Variants in DCBLD1 observed in about 807,000 individuals in gnomAD.
DCBLD1 encodes discoidin, CUB and LCCL domain-containing protein 1.
A neutral mutation model predicts 71.5 loss-of-function variants in DCBLD1; 57 were observed. The ratio of observed to expected loss-of-function variants is 0.80; its 90% confidence interval spans 0.64 to 0.99. The LOEUF (loss-of-function observed/expected upper bound fraction) is 0.99. Ranked by LOEUF, DCBLD1 falls within the 50% of genes least tolerant of loss-of-function variation. DCBLD1 has a pLI of 0.00. For synonymous variants in DCBLD1, 380 were observed against 363.8 expected, an observed-to-expected ratio of 1.04 and a Z score of -0.51; for missense variants, 891 against 923.5, an observed-to-expected ratio of 0.96 and a Z score of 0.46.
In DCBLD1 at chr6:117,525,401, C is replaced by T; in HGVS notation, c.552C>T (p.Asp184=). The change falls in exon 5 of 15, where the codon GAC becomes GAT. Residue 184 remains aspartate (D), a synonymous_variant. Transcript: ENST00000338728. ...CTGGTTGTAGAGACGTAGCAGGAGA[C>T]ATTTCTGGGAATATGGTAGATGGAT... ...CPAGCRDVAG[D]ISGNMVDGYR... is the part of the protein sequence containing the mutation. The T allele has an allele frequency of 6.6e-7, 1 of 1,516,720 alleles. No individual in the cohort carries two copies. The highest frequency in any genetic ancestry group is 1.4e-5 in the South Asian group (1 of 71,222). 94.0% of individuals were successfully genotyped at this position (1,516,720 alleles called of 1,614,324 possible).
chr6:117,554,842 G>C (rs1779475954), intron 14 of DCBLD1, among the ~76,000 whole-genome samples: 1 of 150,964 alleles, frequency 6.6e-6, no homozygotes, highest in Non-Finnish European at 1.5e-5. Flanking sequence ...GCAGTGAGCC[G>C]AGATCGAGTC....
intron 2 of DCBLD1, among the ~76,000 whole-genome samples, chr6:117,519,114 C>G (rs1402009906): frequency 6.6e-6 from 1 of 152,114 alleles, no homozygotes; most frequent in Non-Finnish European, 1.5e-5. Context: ...TTTGAGTAGT[C>G]TTAGGAAGAG....
rs202098515 is a variant in DCBLD1, at chr6:117,563,401, A to G, written c.1616-6219A>G. On this transcript the variant is annotated intron_variant, in intron 14 of 14. Transcript: ENST00000296955. Reference sequence around the variant, plus strand: ...TATTAAATCCTGAAAGAAAGGAGAAAAAAAAAGCAGACACTTTCTGGTTTA... The same window carrying G: ...TATTAAATCCTGAAAGAAAGGAGAAGAAAAAAGCAGACACTTTCTGGTTTA... 2.9e-5 allele frequency: 47 copies of G among 1,611,922 alleles called. No individual in the cohort carries two copies. In the African/African-American group the frequency reaches 4.8e-4, roughly 16 times the overall value.
intron 2 of DCBLD1, among the ~76,000 whole-genome samples, chr6:117,504,913 A>G (rs1385800587): frequency 6.6e-6 from 1 of 152,192 alleles, no homozygotes; most frequent in Non-Finnish European, 1.5e-5. Context: ...AGCTCTACTG[A>G]TAATTTCTCA....
chr6:117,523,978 C>T (rs764220118), intron 4 of DCBLD1, among the ~76,000 whole-genome samples: 1 of 152,084 alleles, frequency 6.6e-6, no homozygotes, highest in Non-Finnish European at 1.5e-5. Flanking sequence ...ATGTTTATAG[C>T]TGTCTTCATA....
At chr6:117,498,295 A>G (rs927016941) in intron 1 of DCBLD1, among the ~76,000 whole-genome samples, 4 of 152,202 alleles carry the variant, frequency 2.6e-5, no homozygotes, top group Non-Finnish European at 4.4e-5. Flanking sequence ...ATTTAGGCCC[A>G]TTACAGAGAG....
At position 117,540,677 on chromosome 6, in the gene DCBLD1, G is replaced by A. The variant is rs766765617; in HGVS notation, c.1111G>A (p.Gly371Ser). Residue 371 changes from glycine to serine, a missense_variant, in exon 10 of 15, where the codon GGT (glycine) becomes AGT (serine). Gly to Ser is a moderately conservative substitution (Grantham distance 56). Coordinates refer to ENST00000338728, the MANE Select transcript of DCBLD1 (RefSeq NM_001366458.2). ...IVNNEEKVFQ[G>S]NSNFRDPVQN... Reference sequence around the variant, plus strand: ...TAATTTCCTTCTATAGGTGTTTCAGGGTAACTCTAACTTTCGGGACCCAGT... The same window carrying A: ...TAATTTCCTTCTATAGGTGTTTCAGAGTAACTCTAACTTTCGGGACCCAGT... 4.3e-6 allele frequency: 7 copies of A among 1,614,072 alleles called. No individual in the cohort carries two copies. Among genetic ancestry groups the A allele is most frequent in the South Asian group, 1.1e-5 (1 of 91,066 alleles).
chr6:117,491,753 C>A (rs1777300719), intron 1 of DCBLD1, among the ~76,000 whole-genome samples: 1 of 152,172 alleles, frequency 6.6e-6, no homozygotes, highest in African/African-American at 2.4e-5. Context: ...CACTGACCCC[C>A]ACCCACATAC....
At chr6:117,551,456 T>C (rs545798539), downstream of DCBLD1, among the ~76,000 whole-genome samples, 6 of 152,188 alleles carry the variant, frequency 3.9e-5, no homozygotes, top group East Asian at 9.7e-4. Context: ...CTCAGCTCAC[T>C]GCAAACTCCG....
chr6:117,565,823 G>T (rs1326962619), intron 14 of DCBLD1, among the ~76,000 whole-genome samples: 1 of 152,074 alleles, frequency 6.6e-6, no homozygotes, highest in Non-Finnish European at 1.5e-5. Context: ...TCCATACTTT[G>T]TTAGTCATTC....
intron 1 of DCBLD1, among the ~76,000 whole-genome samples, chr6:117,493,241 G>C (rs1276511493): frequency 6.6e-6 from 1 of 152,132 alleles, no homozygotes; most frequent in African/African-American, 2.4e-5. Flanking sequence ...TCACTAATAA[G>C]AGCTTTTTGG....
intron 2 of DCBLD1, among the ~76,000 whole-genome samples, chr6:117,513,677 G>A (rs928608813): frequency 6.6e-6 from 1 of 152,122 alleles, no homozygotes; most frequent in African/African-American, 2.4e-5. Context: ...AGCACTGCTG[G>A]TTCTGAAGCA....
intron 14 of DCBLD1, among the ~76,000 whole-genome samples, chr6:117,567,769 C>T (rs1479964031): frequency 6.6e-6 from 1 of 151,964 alleles, no homozygotes; most frequent in East Asian, 1.9e-4. Flanking sequence ...GATAACTTTC[C>T]CTACATAATG....
intron 1 of DCBLD1, 82 bp from the exon 2 acceptor site, chr6:117,503,685 G>A: frequency 7.0e-7 from 1 of 1,430,704 alleles, no homozygotes; most frequent in South Asian, 1.3e-5. Context: ...TACATAACTT[G>A]GAGATTGTAT....
chr6:117,567,503 C>T (rs1422907093), intron 14 of DCBLD1, among the ~76,000 whole-genome samples: 1 of 152,098 alleles, frequency 6.6e-6, no homozygotes, highest in Non-Finnish European at 1.5e-5. Flanking sequence ...ATAAGGACAT[C>T]ATATAAATCT....
At chr6:117,513,019 T>C (rs1197914725) in intron 2 of DCBLD1, among the ~76,000 whole-genome samples, 1 of 152,218 alleles carries the variant, frequency 6.6e-6, no homozygotes, top group East Asian at 1.9e-4. Context: ...CAAAACCTTA[T>C]ATCCATCTGA....
intron 2 of DCBLD1, among the ~76,000 whole-genome samples, chr6:117,505,342 G>A (rs1777803819): frequency 6.6e-6 from 1 of 152,116 alleles, no homozygotes; most frequent in African/African-American, 2.4e-5. Flanking sequence ...TCATTAGCCA[G>A]GAGATTTCTC....
intron 14 of DCBLD1, among the ~76,000 whole-genome samples, chr6:117,569,279 T>G (rs1779759826): frequency 6.6e-6 from 1 of 152,226 alleles, no homozygotes; most frequent in Non-Finnish European, 1.5e-5. Flanking sequence ...GTACTTTATA[T>G]GTATTAACAT....
intron 1 of DCBLD1, among the ~76,000 whole-genome samples, chr6:117,500,721 G>A (rs1222747091): frequency 6.6e-6 from 1 of 152,072 alleles, no homozygotes; most frequent in Non-Finnish European, 1.5e-5. Flanking sequence ...AAAAAAATTA[G>A]CCGTACGTAA....
Sources: gnomAD v4.1 joint callset for allele counts (sites outside exome capture counted in the v4.1 genomes callset) on GRCh38, gnomAD v4.1.1 for gene constraint, MANE v1.5 for transcripts, NCBI Gene and HGNC (gene_info 2026-07-23, HGNC 2026-07-21) for gene names.